KPNA5: variants seen among roughly 807,000 people sequenced by gnomAD.
KPNA5 encodes the protein karyopherin subunit alpha 5.
Under a neutral mutation model 71.3 loss-of-function variants are expected in KPNA5, and 46 were observed. That is an observed-to-expected ratio of 0.65 (90% CI 0.51 to 0.83). The LOEUF (loss-of-function observed/expected upper bound fraction) is 0.83, where lower values mean the gene tolerates loss of function less well. Ranked by LOEUF, KPNA5 falls within the 40% of genes least tolerant of loss-of-function variation. KPNA5 has a pLI of 0.00. For synonymous variants in KPNA5, 207 were observed against 201.4 expected, an observed-to-expected ratio of 1.03 and a Z score of -0.24; for missense variants, 547 against 628.3, an observed-to-expected ratio of 0.87 and a Z score of 1.38.
chr6:116,720,792 C>T (rs1451359782), intron 8 of KPNA5, among the ~76,000 whole-genome samples: 1 of 152,108 alleles, frequency 6.6e-6, no homozygotes, highest in Non-Finnish European at 1.5e-5. Context: ...TGCACTCCAG[C>T]CTGGGCAACA....
intron 5 of KPNA5, among the ~76,000 whole-genome samples, chr6:116,700,712 T>A (rs9481662): frequency 0.28 from 42,433 of 152,010 alleles, 6,679 homozygotes; most frequent in African/African-American, 0.43. Flanking sequence ...TATTACATGT[T>A]AAAAAATTGG....
chr6:116,684,934 G>C (rs936813338), intron 1 of KPNA5, among the ~76,000 whole-genome samples: 1 of 152,190 alleles, frequency 6.6e-6, no homozygotes, highest in African/African-American at 2.4e-5. Context: ...TTACTGATGG[G>C]AATGCAAGAT....
intron 6 of KPNA5, among the ~76,000 whole-genome samples, chr6:116,704,439 T>A (rs1036976551): frequency 3.9e-5 from 6 of 152,350 alleles, no homozygotes; most frequent in African/African-American, 1.4e-4. Context: ...GACTACCATC[T>A]TATGTGCAGT....
chr6:116,690,836 C>T (rs1158014169), intron 2 of KPNA5, among the ~76,000 whole-genome samples: 1 of 152,140 alleles, frequency 6.6e-6, no homozygotes, highest in African/African-American at 2.4e-5. Context: ...ATTACCTGCA[C>T]ACATCCTCTT....
At chr6:116,686,617 T>C (rs1777600093) in intron 1 of KPNA5, among the ~76,000 whole-genome samples, 1 of 152,198 alleles carries the variant, frequency 6.6e-6, no homozygotes, top group African/African-American at 2.4e-5. Context: ...AATCTCTGAC[T>C]ATTCCTGTGG....
chr6:116,702,749 G>T (rs1463725425), intron 6 of KPNA5, among the ~76,000 whole-genome samples: 3 of 152,166 alleles, frequency 2.0e-5, no homozygotes, highest in Non-Finnish European at 4.4e-5. Context: ...TTTTAAAGCT[G>T]AACTGGTTTG....
chr6:116,681,303 G>A lies in KPNA5; in HGVS notation c.-32G>A. 1 of 1,610,448 alleles carries A rather than the reference G, an allele frequency of 6.2e-7. No individual in the cohort carries two copies. Among genetic ancestry groups the A allele is most frequent in the Admixed American group, 1.7e-5 (1 of 59,624 alleles). On this transcript the variant is annotated 5_prime_UTR_variant, in exon 1 of 14. Coordinates refer to ENST00000368564, the MANE Select transcript of KPNA5 (RefSeq NM_001366306.2). The stretch of plus-strand genomic sequence containing the variant: ...GCCACACACGTCGCCGCTGGGGACT[G>A]GGAAATCAGGGCATCGGAGAGTGCC...
chr6:116,706,886 G>A (rs539585387), intron 7 of KPNA5, among the ~76,000 whole-genome samples: 38 of 152,138 alleles, frequency 2.5e-4, no homozygotes, highest in African/African-American at 8.2e-4. Context: ...TATGCAGGCC[G>A]GGCGCAGTGG....
chr6:116,699,922 C>T (rs1778166297), intron 5 of KPNA5, among the ~76,000 whole-genome samples: 2 of 152,146 alleles, frequency 1.3e-5, no homozygotes, highest in Admixed American at 6.6e-5. Flanking sequence ...AGAGAAATTC[C>T]TCACTTTCTC....
chr6:116,689,286 A>T, intron 1 of KPNA5, 34 bp from the exon 2 acceptor site: 1 of 1,592,262 alleles, frequency 6.3e-7, no homozygotes, highest in African/African-American at 1.4e-5. Flanking sequence ...AGAGTGAGTT[A>T]TCAGTGTCTG....
chr6:116,709,920 C>T (rs1333171969), intron 7 of KPNA5, among the ~76,000 whole-genome samples: 3 of 151,936 alleles, frequency 2.0e-5, no homozygotes, highest in Admixed American at 2.0e-4. Context: ...ACTACCACGC[C>T]CAGCTAATTT....
intron 12 of KPNA5, among the ~76,000 whole-genome samples, chr6:116,727,904 GA>G (rs919759562): frequency 1.3e-4 from 20 of 152,152 alleles, no homozygotes; most frequent in Admixed American, 1.2e-3. Context: ...AGACTTCTTA[GA>G]AAATATTTTC....
Position 116,725,808 on chromosome 6 carries a change from G to A in KPNA5, c.1057G>A (p.Glu353Lys), listed in dbSNP as rs753466371. 1 of 1,613,188 alleles carries A rather than the reference G, an allele frequency of 6.2e-7. No homozygotes were observed. The highest frequency in any genetic ancestry group is 1.7e-5 in the Admixed American group (1 of 59,894). The change falls in exon 11 of 14, where the codon GAG becomes AAG. Residue 353 changes from glutamate (E) to lysine (K), a missense_variant. Physicochemically the swap from Glu to Lys is moderately conservative, Grantham distance 56. Coordinates refer to ENST00000368564, the MANE Select transcript of KPNA5 (RefSeq NM_001366306.2). ...CLLHLLSSPK[E>K]SIRKEACWTV... ...CTTACATTTATTGAGTAGCCCAAAG[G>A]AGTCAATTAGAAAAGAAGCCTGCTG...
chr6:116,709,035 C>T (rs1273794643), intron 7 of KPNA5, among the ~76,000 whole-genome samples: 1 of 151,894 alleles, frequency 6.6e-6, no homozygotes, highest in Non-Finnish European at 1.5e-5. Context: ...ATACATCCCC[C>T]CTTGACCTCC....
intron 8 of KPNA5, 37 bp from the exon 9 acceptor site, chr6:116,722,089 G>T: frequency 7.0e-7 from 1 of 1,437,408 alleles, no homozygotes; most frequent in Non-Finnish European, 9.3e-7. Flanking sequence ...GTTTTAAATA[G>T]AGAAAAAATT....
chr6:116,692,267 A>G (rs1170344338), intron 3 of KPNA5, 26 bp from the exon 4 acceptor site: 1 of 1,469,112 alleles, frequency 6.8e-7, no homozygotes, highest in African/African-American at 1.4e-5. Flanking sequence ...GTAAATGTTA[A>G]TTATATTTTT....
At chr6:116,724,614 A>G (rs1176157242) in intron 10 of KPNA5, among the ~76,000 whole-genome samples, 1 of 152,098 alleles carries the variant, frequency 6.6e-6, no homozygotes, top group Non-Finnish European at 1.5e-5. Flanking sequence ...AGTTAGAGAC[A>G]GGATATTGCT....
Position 116,692,108 on chromosome 6 carries a change from A to C in KPNA5, c.192A>C (p.Glu64Asp). 6 of 1,613,100 alleles carry C rather than the reference A, an allele frequency of 3.7e-6. No homozygotes were observed. Among genetic ancestry groups the C allele is most frequent in the Non-Finnish European group, 5.1e-6 (6 of 1,179,286 alleles). The change falls in exon 3 of 14, where the codon GAA becomes GAC. Residue 64 changes from glutamate (E) to aspartate (D), a missense_variant. Coordinates refer to ENST00000368564, the MANE Select transcript of KPNA5 (RefSeq NM_001366306.2). ...CCAGAAATGATGAATCTATGCTTGA[A>C]AGTCCTATACAGGATCCAGATATTA... ...YLPRNDESML[E>D]SPIQDPDISS...
intron 8 of KPNA5, among the ~76,000 whole-genome samples, chr6:116,717,705 TTTAAA>T (rs1778940362): frequency 6.6e-6 from 1 of 152,118 alleles, no homozygotes; most frequent in Non-Finnish European, 1.5e-5. Flanking sequence ...AAGTGCCGTG[TTTAAA>T]TTAACCTTGA....
Sources: allele counts gnomAD v4.1 joint callset (sites outside exome capture counted in the v4.1 genomes callset), GRCh38; gene constraint gnomAD v4.1.1; transcripts MANE v1.5; gene names NCBI Gene and HGNC (gene_info 2026-07-23, HGNC 2026-07-21).